Variants in CDH13 observed in about 807,000 individuals in gnomAD.
CDH13 encodes the protein cadherin-13.
In CDH13, 24 loss-of-function variants were observed where a neutral mutation model predicts 63.8. The ratio of observed to expected loss-of-function variants is 0.38; its 90% CI spans 0.27 to 0.53. The LOEUF (loss-of-function observed/expected upper bound fraction) is 0.53, where lower values mean the gene tolerates loss of function less well. Among genes scored for constraint, CDH13 ranks in the 20% least tolerant of loss-of-function variants. The pLI, the probability that CDH13 is intolerant of heterozygous loss-of-function variation, is 0.85. For missense variants in CDH13, 1,049 were observed against 903.1 expected (o/e 1.16, Z -2.07); for synonymous variants, 503 against 355.3 (o/e 1.42, Z -4.67).
At chr16:83,015,428 A>AG (rs1555562766) in intron 2 of CDH13, among the ~76,000 whole-genome samples, 66 of 151,682 alleles carry the variant, frequency 4.4e-4, no homozygotes, top group African/African-American at 1.6e-3. Flanking sequence ...GAAAAAAAAA[A>AG]GTGTCATTCT....
intron 10 of CDH13, chr16:83,717,170 G>T (rs896527072): frequency 6.6e-6 from 1 of 152,414 alleles, no homozygotes; most frequent in South Asian, 2.1e-4. Flanking sequence ...TGAGGCAGGA[G>T]AATTGCTTGA....
At chr16:83,589,319 C>A (rs1291143872) in intron 7 of CDH13, among the ~76,000 whole-genome samples, 1 of 135,042 alleles carries the variant, frequency 7.4e-6, no homozygotes, top group African/African-American at 2.7e-5. Context: ...TCCCCTCTCC[C>A]CCTCCCTCTT....
intron 4 of CDH13, chr16:83,171,513 G>A (rs868393795): frequency 1.3e-6 from 2 of 1,532,464 alleles, no homozygotes; most frequent in African/African-American, 1.4e-5. Context: ...AATAATCTTT[G>A]TTTTTCAGAT....
At chr16:83,594,819 C>T (rs563470772) in intron 7 of CDH13, among the ~76,000 whole-genome samples, 12 of 152,244 alleles carry the variant, frequency 7.9e-5, no homozygotes, top group African/African-American at 2.6e-4. Context: ...TGCAAAACGT[C>T]GAGGGTCTGG....
intron 7 of CDH13, among the ~76,000 whole-genome samples, chr16:83,532,884 C>A (rs887816881): frequency 1.3e-5 from 2 of 152,174 alleles, no homozygotes; most frequent in African/African-American, 4.8e-5. Context: ...AGCAGTGCCA[C>A]GGGAGAGAGC....
chr16:83,210,682 C>G (rs1217931572), intron 4 of CDH13, among the ~76,000 whole-genome samples: 1 of 151,912 alleles, frequency 6.6e-6, no homozygotes, highest in African/African-American at 2.4e-5. Flanking sequence ...CTTGGCAACT[C>G]TGTCATTCTG....
At chr16:83,543,781 C>T (rs763030293) in intron 7 of CDH13, among the ~76,000 whole-genome samples, 4 of 152,178 alleles carry the variant, frequency 2.6e-5, no homozygotes, top group Non-Finnish European at 4.4e-5. Flanking sequence ...GAACATCCTA[C>T]AGTACATAAC....
At chr16:82,796,472 A>G (rs1352333677) in intron 1 of CDH13, among the ~76,000 whole-genome samples, 3 of 152,230 alleles carry the variant, frequency 2.0e-5, no homozygotes, top group African/African-American at 7.2e-5. Flanking sequence ...TGTGATTTCA[A>G]CAGTGAAGGA....
chr16:82,645,771 A>G (rs980237342), intron 1 of CDH13, among the ~76,000 whole-genome samples: 1 of 152,154 alleles, frequency 6.6e-6, no homozygotes, highest in Non-Finnish European at 1.5e-5. Context: ...AAAAGGTAAA[A>G]CCAAGACTCT....
chr16:82,748,102 T>C (rs1178373718), intron 1 of CDH13, among the ~76,000 whole-genome samples: 3 of 152,174 alleles, frequency 2.0e-5, no homozygotes, highest in African/African-American at 7.2e-5. Context: ...CCCAGTCTCC[T>C]ATTTGACAGA....
chr16:83,220,053 C>T (rs556689183), intron 5 of CDH13, among the ~76,000 whole-genome samples: 3 of 152,278 alleles, frequency 2.0e-5, no homozygotes, highest in Admixed American at 6.5e-5. Flanking sequence ...GGGTTACTTA[C>T]GACTGGCAGA....
intron 2 of CDH13, chr16:82,884,191 T>C: frequency 2.2e-6 from 1 of 455,930 alleles, no homozygotes; most frequent in Non-Finnish European, 4.4e-6. Context: ...ACAGATGTAT[T>C]CTACTAGCTG....
At position 83,344,846 on chromosome 16, in the gene CDH13, C is replaced by G. The variant is rs1014083262; in HGVS notation, c.637-16C>G. On this transcript the variant is annotated splice_polypyrimidine_tract_variant and intron_variant, in intron 5 of 13. Transcript: ENST00000567109. ...ATTAATATCTTCTTTCTCCCCCAAT[C>G]TCTTTGCTCAAATAGCTATTTGTGG... 1.9e-6 allele frequency: 3 copies of G among 1,612,926 alleles called. No homozygotes were observed. Among genetic ancestry groups the G allele is most frequent in the African/African-American group, 2.7e-5 (2 of 74,916 alleles).
intron 2 of CDH13, among the ~76,000 whole-genome samples, chr16:82,926,933 T>A (rs1195859513): frequency 6.6e-6 from 1 of 152,188 alleles, no homozygotes; most frequent in African/African-American, 2.4e-5. Flanking sequence ...AATCATTTGT[T>A]TTACTCACAA....
intron 4 of CDH13, among the ~76,000 whole-genome samples, chr16:83,143,413 C>T (rs888529519): frequency 3.3e-5 from 5 of 152,126 alleles, no homozygotes; most frequent in African/African-American, 1.2e-4. Flanking sequence ...TAACATATTA[C>T]ATAAAGCACA....
chr16:83,500,472 C>T (rs1252700729), intron 7 of CDH13, among the ~76,000 whole-genome samples: 2 of 9,068 alleles, frequency 2.2e-4, no homozygotes, highest in Non-Finnish European at 2.0e-4. Flanking sequence ...TCCTCCCCCT[C>T]CTTCTCCCCT....
In CDH13 at chr16:83,167,580, A is replaced by G. The variant is rs545805148; in HGVS notation, c.483+42079A>G. On this transcript the variant is annotated intron_variant, in intron 4 of 13. Transcript: ENST00000567109. ...TTGGCTTTATTACTGAGCTGTGTGC[A>G]GGTGGATGTTTTGCTAAATCTTTCT... Among the ~76,000 whole-genome samples, 24 of 150,064 alleles carry G rather than the reference A, an allele frequency of 1.6e-4. 1 individual carries two copies. The highest frequency in any genetic ancestry group is 4.2e-4 in the South Asian group (2 of 4,708).
At chr16:82,794,844 T>C (rs945992473) in intron 1 of CDH13, among the ~76,000 whole-genome samples, 5 of 152,190 alleles carry the variant, frequency 3.3e-5, no homozygotes, top group African/African-American at 1.2e-4. Context: ...CTGCCTGAAT[T>C]CCTCTCACAG....
At chr16:83,525,783 G>T (rs1306742113) in intron 7 of CDH13, among the ~76,000 whole-genome samples, 1 of 152,144 alleles carries the variant, frequency 6.6e-6, no homozygotes, top group East Asian at 1.9e-4. Flanking sequence ...TAAAATGAAA[G>T]AATTTTTTCT....
Sources: allele counts gnomAD v4.1 joint callset (sites outside exome capture counted in the v4.1 genomes callset), GRCh38; gene constraint gnomAD v4.1.1; transcripts MANE v1.5; gene names NCBI Gene and HGNC (gene_info 2026-07-23, HGNC 2026-07-21).